CTNNA3: variants seen among roughly 807,000 people sequenced by gnomAD.
CTNNA3 encodes the protein catenin alpha 3.
In CTNNA3, 76 loss-of-function variants were observed where a neutral mutation model predicts 95.7. The observed-to-expected ratio is 0.79, with a 90% CI of 0.66 to 0.96. The LOEUF (loss-of-function observed/expected upper bound fraction) is 0.96. CTNNA3 is among the 40% of genes least tolerant of loss of function. The pLI, the probability that CTNNA3 is intolerant of heterozygous loss-of-function variation, is 0.00. For synonymous variants in CTNNA3, 431 were observed against 374.4 expected, an observed-to-expected ratio of 1.15 and a Z score of -1.74; for missense variants, 1,191 against 1,089.8, an observed-to-expected ratio of 1.09 and a Z score of -1.31.
intron 13 of CTNNA3, among the ~76,000 whole-genome samples, chr10:66,189,781 T>C (rs1300556329): frequency 6.6e-6 from 1 of 151,850 alleles, no homozygotes; most frequent in South Asian, 2.1e-4. Flanking sequence ...ATTTTCCGTA[T>C]GAATTTGTGT....
At chr10:67,031,445 G>C (rs1012696613) in intron 7 of CTNNA3, among the ~76,000 whole-genome samples, 1 of 152,146 alleles carries the variant, frequency 6.6e-6, no homozygotes, top group Non-Finnish European at 1.5e-5. Flanking sequence ...TATCACTAAT[G>C]TATTGAATTA....
intron 10 of CTNNA3, among the ~76,000 whole-genome samples, chr10:66,619,618 C>T (rs894458430): frequency 5.5e-5 from 8 of 144,950 alleles, no homozygotes; most frequent in African/African-American, 1.0e-4. Flanking sequence ...TGCTAAATGA[C>T]GAGTTAATGG....
chr10:67,693,209 G>A (rs79510572), intron 1 of CTNNA3, among the ~76,000 whole-genome samples: 24 of 152,164 alleles, frequency 1.6e-4, no homozygotes, highest in African/African-American at 4.8e-4. Context: ...CAGATGTATC[G>A]GCTAACAGTC....
intron 1 of CTNNA3, among the ~76,000 whole-genome samples, chr10:67,745,361 G>A (rs982563292): frequency 3.3e-5 from 5 of 152,034 alleles, no homozygotes; most frequent in African/African-American, 9.7e-5. Context: ...CCTTTGTAGT[G>A]ACATGGTTGA....
At chr10:66,150,782 G>A (rs933900858) in intron 13 of CTNNA3, among the ~76,000 whole-genome samples, 1 of 151,776 alleles carries the variant, frequency 6.6e-6, no homozygotes, top group African/African-American at 2.4e-5. Flanking sequence ...TGATTTTCTA[G>A]TTCATTATAA....
chr10:66,821,317 T>C (rs1327668327), intron 7 of CTNNA3, among the ~76,000 whole-genome samples: 1 of 152,166 alleles, frequency 6.6e-6, no homozygotes, highest in African/African-American at 2.4e-5. Flanking sequence ...TCCAAATGTA[T>C]AATGCTTTGC....
At chr10:67,216,026 A>G (rs1467045629) in intron 6 of CTNNA3, among the ~76,000 whole-genome samples, 1 of 152,188 alleles carries the variant, frequency 6.6e-6, no homozygotes, top group Non-Finnish European at 1.5e-5. Flanking sequence ...TAGTTCTTAT[A>G]GTTCACTATA....
At chr10:67,334,443 AG>A (rs1197222469) in intron 5 of CTNNA3, 1 of 153,930 alleles carries the variant, frequency 6.5e-6, no homozygotes, top group Non-Finnish European at 1.4e-5. Context: ...AAGCAAGAGA[AG>A]AAGAAAGCTG....
intron 7 of CTNNA3, among the ~76,000 whole-genome samples, chr10:67,043,972 T>C (rs1554904670): frequency 7.3e-6 from 1 of 136,462 alleles, no homozygotes; most frequent in Admixed American, 7.4e-5. Context: ...ATTCAGGGGG[T>C]ACATGGACAG....
chr10:66,250,729 C>G (rs2090516815), intron 13 of CTNNA3, among the ~76,000 whole-genome samples: 2 of 152,086 alleles, frequency 1.3e-5, no homozygotes, highest in South Asian at 4.1e-4. Flanking sequence ...GTCTATGCTT[C>G]TATTGTTTCT....
intron 7 of CTNNA3, among the ~76,000 whole-genome samples, chr10:66,949,736 A>G (rs1848442714): frequency 6.6e-6 from 1 of 152,214 alleles, no homozygotes; most frequent in Admixed American, 6.5e-5. Flanking sequence ...GGCAAATACC[A>G]GCAGACTTGC....
At chr10:67,390,701 TC>T (rs1192310133) in intron 5 of CTNNA3, among the ~76,000 whole-genome samples, 1 of 149,888 alleles carries the variant, frequency 6.7e-6, no homozygotes, top group Non-Finnish European at 1.5e-5. Context: ...AAAAAGCTTA[TC>T]CACCATGATC....
intron 13 of CTNNA3, among the ~76,000 whole-genome samples, chr10:66,276,219 C>T (rs2091395136): frequency 6.6e-6 from 1 of 152,146 alleles, no homozygotes; most frequent in African/African-American, 2.4e-5. Context: ...AAAATCTACA[C>T]ACTTGGCTTT....
chr10:67,085,023 A>T (rs940280399), intron 7 of CTNNA3, among the ~76,000 whole-genome samples: 6 of 151,994 alleles, frequency 3.9e-5, no homozygotes, highest in Admixed American at 3.9e-4. Flanking sequence ...ATGATACTGA[A>T]GATCTTAACC....
In CTNNA3 at chr10:66,394,321, T is replaced by C. The variant is rs149587752; in HGVS notation, c.1532-14969A>G. The stretch of plus-strand genomic sequence containing the variant: ...AAATGAAGTTTAGTGCCTTAGCTAC[T>C]TAGCTATTCTGGTGTAGGAGCTAAA... On this transcript the variant is annotated intron_variant, in intron 11 of 17. Coordinates refer to ENST00000433211, the MANE Select transcript of CTNNA3 (RefSeq NM_013266.4). Among the ~76,000 whole-genome samples, 816 of 152,120 alleles carry C rather than the reference T, an allele frequency of 5.4e-3. 9 individuals carry two copies. The highest frequency in any genetic ancestry group is 0.014 in the African/African-American group (571 of 41,540).
intron 7 of CTNNA3, among the ~76,000 whole-genome samples, chr10:66,930,772 C>A (rs1283511644): frequency 6.6e-6 from 1 of 152,014 alleles, no homozygotes; most frequent in Non-Finnish European, 1.5e-5. Context: ...AAAGCTGTCA[C>A]TTTTTAATGC....
intron 3 of CTNNA3, among the ~76,000 whole-genome samples, chr10:67,575,389 T>C (rs750049978): frequency 4.6e-5 from 7 of 152,186 alleles, no homozygotes; most frequent in Non-Finnish European, 8.8e-5. Flanking sequence ...TTATCCTATG[T>C]CTTTCTGTTT....
intron 9 of CTNNA3, among the ~76,000 whole-genome samples, chr10:66,691,256 T>C (rs1427634866): frequency 2.6e-5 from 4 of 152,142 alleles, no homozygotes; most frequent in Non-Finnish European, 4.4e-5. Context: ...ACTCCCACCC[T>C]AATACTGCGC....
chr10:66,456,690 A>G (rs2093497176), intron 11 of CTNNA3, among the ~76,000 whole-genome samples: 2 of 152,076 alleles, frequency 1.3e-5, no homozygotes. Flanking sequence ...AACAAACAAA[A>G]AACACAAACA....
Sources: allele counts gnomAD v4.1 joint callset (sites outside exome capture counted in the v4.1 genomes callset), GRCh38; gene constraint gnomAD v4.1.1; transcripts MANE v1.5; gene names NCBI Gene and HGNC (gene_info 2026-07-23, HGNC 2026-07-21).